TXNDC12: variants seen among roughly 807,000 people sequenced by gnomAD.
TXNDC12 encodes the protein thioredoxin domain-containing protein 12.
A neutral mutation model predicts 24.2 loss-of-function variants in TXNDC12; 22 were observed. That is an observed-to-expected ratio of 0.91 (90% CI 0.65 to 1.30). The LOEUF (loss-of-function observed/expected upper bound fraction) is 1.30. Among genes scored for constraint, TXNDC12 ranks in the 50% most tolerant of loss-of-function variants. TXNDC12 has a pLI of 0.00. For synonymous variants in TXNDC12, 58 were observed against 73.4 expected (o/e 0.79, Z 1.07); for missense variants, 184 against 205.8 (o/e 0.89, Z 0.65).
intron 2 of TXNDC12, among the ~76,000 whole-genome samples, chr1:52,038,572 A>G (rs974078766): frequency 3.9e-5 from 6 of 152,310 alleles, no homozygotes; most frequent in African/African-American, 9.6e-5. Flanking sequence ...TTGGACTGCC[A>G]AAGTGCTGGG....
chr1:52,038,180 T>C (rs1422789698), intron 2 of TXNDC12, among the ~76,000 whole-genome samples: 2 of 152,158 alleles, frequency 1.3e-5, no homozygotes, highest in African/African-American at 2.4e-5. Flanking sequence ...GCTTTTTTTT[T>C]CCAGAGTAGG....
At chr1:52,036,949 A>C (rs1158850803) in intron 2 of TXNDC12, among the ~76,000 whole-genome samples, 1 of 152,208 alleles carries the variant, frequency 6.6e-6, no homozygotes, top group Admixed American at 6.5e-5. Context: ...TCTTGTGTAC[A>C]TCTGGACACA....
intron 1 of TXNDC12, among the ~76,000 whole-genome samples, chr1:52,042,652 T>C (rs1428188602): frequency 6.6e-6 from 1 of 151,868 alleles, no homozygotes; most frequent in Non-Finnish European, 1.5e-5. Flanking sequence ...GATGGAGTTT[T>C]GCTCTTGTTG....
At chr1:52,033,903 T>C in intron 2 of TXNDC12, 1 of 1,432,214 alleles carries the variant, frequency 7.0e-7, no homozygotes, top group Non-Finnish European at 9.1e-7. Context: ...AAACAGGAGT[T>C]CTACGCCAGC....
intron 1 of TXNDC12, 144 bp downstream of exon 1, chr1:52,054,856 C>T: frequency 6.5e-6 from 4 of 613,694 alleles, no homozygotes; most frequent in South Asian, 6.2e-5. Flanking sequence ...TCTTCAAACT[C>T]CAGGAGCGGT....
In TXNDC12 at chr1:52,055,063, A is replaced by T; in HGVS notation, c.34T>A (p.Leu12Met). The stretch of plus-strand genomic sequence containing the variant: ...AGGAGCAGGAAACTGAAGCCCAGCA[A>T]ACAGGTGGCCCCGAGACGAGGCCGC... ...ETRPRLGATC[L>M]LGFSFLLLVI... is the part of the protein sequence containing the mutation. The change falls in exon 1 of 7, where the codon TTG becomes ATG. Residue 12 changes from leucine (L) to methionine (M), a missense_variant. Leu to Met is a conservative substitution (Grantham distance 15, BLOSUM62 2). Coordinates refer to ENST00000371626, the MANE Select transcript of TXNDC12 (RefSeq NM_015913.4). The T allele has an allele frequency of 6.2e-7, 1 of 1,614,128 alleles. No homozygotes were observed. The highest frequency in any genetic ancestry group is 8.5e-7 in the Non-Finnish European group (1 of 1,179,974).
upstream of TXNDC12, chr1:52,055,590 C>T (rs1032636240): frequency 1.2e-5 from 2 of 163,028 alleles, no homozygotes; most frequent in African/African-American, 4.8e-5. Flanking sequence ...CTCCACAAAT[C>T]AAGACTGGAC....
chr1:52,028,734 G>A, intron 2 of TXNDC12, 104 bp from the exon 3 acceptor site: 4 of 879,160 alleles, frequency 4.5e-6, no homozygotes, highest in East Asian at 2.7e-5. Context: ...ATTTCAATTG[G>A]GAAAATCTTT....
At chr1:52,028,675 T>C (rs1685709375) in intron 2 of TXNDC12, 45 bp from the exon 3 acceptor site, 1 of 1,425,634 alleles carries the variant, frequency 7.0e-7, no homozygotes, top group African/African-American at 1.4e-5. Context: ...ATTCTACTTC[T>C]TGAAATTTAA....
chr1:52,043,286 T>C (rs115050652), intron 1 of TXNDC12, among the ~76,000 whole-genome samples: 5,847 of 152,336 alleles, frequency 0.038, 151 homozygotes, highest in South Asian at 0.064. Flanking sequence ...TGTGTCCATC[T>C]CTGGACCATA....
At chr1:52,032,972 G>T (rs1160368345) in intron 2 of TXNDC12, 6 of 1,581,378 alleles carry the variant, frequency 3.8e-6, no homozygotes, top group Admixed American at 3.6e-5. Context: ...GAGGCGAGGG[G>T]CTGGGACTGC....
intron 2 of TXNDC12, chr1:52,033,860 C>T (rs1025214828): frequency 1.3e-5 from 19 of 1,446,950 alleles, no homozygotes; most frequent in Non-Finnish European, 1.7e-5. Context: ...TTCCTGTCTC[C>T]CTTGACTTTT....
chr1:52,038,921 C>T (rs541649187), intron 2 of TXNDC12, among the ~76,000 whole-genome samples: 7 of 94,494 alleles, frequency 7.4e-5, no homozygotes, highest in Admixed American at 2.6e-4. Flanking sequence ...TTTTTTTTTA[C>T]GCAATTGGTC....
intron 2 of TXNDC12, chr1:52,033,562 T>C (rs749096894): frequency 3.7e-6 from 6 of 1,613,862 alleles, no homozygotes; most frequent in African/African-American, 1.3e-5. Context: ...CAGGCGCCGT[T>C]CCACGGAGGC....
chr1:52,042,605 C>T (rs1372834290), intron 1 of TXNDC12, among the ~76,000 whole-genome samples: 6 of 152,092 alleles, frequency 3.9e-5, no homozygotes, highest in Non-Finnish European at 7.4e-5. Flanking sequence ...GAATTACAAG[C>T]GCCTGCCACC....
chr1:52,024,608 C>T (rs1302045600), intron 4 of TXNDC12, 29 bp from the exon 5 acceptor site: 1 of 1,545,272 alleles, frequency 6.5e-7, no homozygotes, highest in Non-Finnish European at 8.9e-7. Flanking sequence ...AACCTTAAGT[C>T]AGATAACGTC....
chr1:52,054,889 G>A, intron 1 of TXNDC12, 111 bp downstream of exon 1: 1 of 757,116 alleles, frequency 1.3e-6, no homozygotes, highest in South Asian at 1.7e-5. Flanking sequence ...AAAGAAATCT[G>A]GAGTGGCCTA....
intron 1 of TXNDC12, among the ~76,000 whole-genome samples, chr1:52,054,374 G>A (rs1164721728): frequency 6.6e-6 from 1 of 152,202 alleles, no homozygotes; most frequent in Non-Finnish European, 1.5e-5. Flanking sequence ...GTAGGTAATG[G>A]ATGGAGTAGG....
intron 2 of TXNDC12, among the ~76,000 whole-genome samples, chr1:52,031,865 T>G (rs1271341006): frequency 6.6e-6 from 1 of 152,218 alleles, no homozygotes; most frequent in Non-Finnish European, 1.5e-5. Flanking sequence ...ACCTACCATT[T>G]GTTCAATGAA....
Sources: gnomAD v4.1 joint callset for allele counts (sites outside exome capture counted in the v4.1 genomes callset) on GRCh38, gnomAD v4.1.1 for gene constraint, MANE v1.5 for transcripts, NCBI Gene and HGNC (gene_info 2026-07-23, HGNC 2026-07-21) for gene names.